The following TPRG1 variants were observed in gnomAD, a reference collection of about 807,000 sequenced individuals.
The protein encoded by TPRG1 is tumor protein p63 regulated 1.
TPRG1 carries 29 observed loss-of-function variants against 29.3 expected under a neutral mutation model. The observed-to-expected ratio is 0.99, with a 90% CI of 0.74 to 1.35. The LOEUF (loss-of-function observed/expected upper bound fraction) is 1.35. TPRG1 is among the 40% of genes most tolerant of loss of function. TPRG1 has a pLI of 0.00. For synonymous variants in TPRG1, 130 were observed against 116.8 expected (o/e 1.11, Z -0.73); for missense variants, 327 against 335.0 (o/e 0.98, Z 0.19).
chr3:189,103,398 C>T (rs549029464), intron 1 of TPRG1, among the ~76,000 whole-genome samples: 182 of 152,128 alleles, frequency 1.2e-3, no homozygotes, highest in Non-Finnish European at 2.0e-3. Context: ...GATGCCAGAC[C>T]CTGAGGGAGA....
At chr3:189,190,266 T>C (rs1033695407) in intron 1 of TPRG1, among the ~76,000 whole-genome samples, 6 of 152,196 alleles carry the variant, frequency 3.9e-5, no homozygotes, top group African/African-American at 1.4e-4. Flanking sequence ...TGCCTTTATG[T>C]TCTGAAAAAA....
chr3:189,159,868 G>GTGTGTGTGTGTGTGTGTGT lies in TPRG1; in HGVS notation c.-10+8996_-10+8997insTGTGTGTGTGTGTGTGTGT, dbSNP rs141895328. 1.1e-3 allele frequency among the ~76,000 whole-genome samples: 156 copies of GTGTGTGTGTGTGTGTGTGT among 146,690 alleles called. 2 individuals carry two copies. Among genetic ancestry groups the GTGTGTGTGTGTGTGTGTGT allele is most frequent in the Admixed American group, 1.4e-3 (21 of 14,762 alleles). ...TGTGTGTGTGTGTGTGTGTGTGTGTGGTGGTGGGGGTAGGGGTTCACGAGC... is the reference window on the plus strand; with the variant it reads ...TGTGTGTGTGTGTGTGTGTGTGTGTGTGTGTGTGTGTGTGTGTGTGTGGTGGGGGTAGGGGTTCACGAGC... On this transcript the variant is annotated intron_variant, in intron 5 of 6. Coordinates refer to the TPRG1 transcript ENST00000412373.
rs80016547 is a variant in TPRG1, at chr3:189,271,203, C to T, written c.479+32294C>T. On this transcript the variant is annotated intron_variant, in intron 4 of 5. Transcript: ENST00000345063. Reference sequence around the variant, plus strand: ...GGCGTTTTCTACTGTAACACAGTGCCTTGAAGGGATGGGTTGCTTTAGACG... The same window carrying T: ...GGCGTTTTCTACTGTAACACAGTGCTTTGAAGGGATGGGTTGCTTTAGACG... 3.8e-3 allele frequency among the ~76,000 whole-genome samples: 576 copies of T among 152,234 alleles called. 3 individuals carry two copies. The highest frequency in any genetic ancestry group is 0.013 in the African/African-American group (552 of 41,540).
chr3:189,149,192 A>G (rs562595040), intron 4 of TPRG1, among the ~76,000 whole-genome samples: 1 of 152,306 alleles, frequency 6.6e-6, no homozygotes, highest in African/African-American at 2.4e-5. Flanking sequence ...CTAGCTTTAT[A>G]TTGCTAACGG....
intron 4 of TPRG1, chr3:189,267,683 T>C (rs1714357285): frequency 6.6e-6 from 1 of 152,078 alleles, no homozygotes; most frequent in South Asian, 2.1e-4. Context: ...ATAGAGACAG[T>C]AGTGGAAGAG....
In TPRG1 at chr3:189,018,719, T is replaced by C. The variant is rs916157758; in HGVS notation, c.-659-5031T>C. ...GGATTGACTTGGCATTGCAGGCTCT[T>C]TTTTGGTTCCATATGAACTTTAAAG... On this transcript the variant is annotated intron_variant, in intron 3 of 10. Transcript: ENST00000433971. Among the ~76,000 whole-genome samples, 36 of 151,834 alleles carry C rather than the reference T, an allele frequency of 2.4e-4. 2 individuals are homozygous for C. The highest frequency in any genetic ancestry group is 8.7e-4 in the African/African-American group (36 of 41,216).
intron 4 of TPRG1, among the ~76,000 whole-genome samples, chr3:189,092,424 ATTAT>A (rs1378552706): frequency 2.0e-5 from 3 of 147,222 alleles, no homozygotes; most frequent in African/African-American, 7.6e-5. Context: ...TGAAGAATAC[ATTAT>A]TTATCTGAAA....
At chr3:189,219,761 T>C in intron 3 of TPRG1, 1 of 1,116,802 alleles carries the variant, frequency 9.0e-7, no homozygotes, top group Non-Finnish European at 1.1e-6. Flanking sequence ...GGTGGGCGAT[T>C]GTTGTTCTTA....
intron 4 of TPRG1, among the ~76,000 whole-genome samples, chr3:189,043,978 T>A (rs954055664): frequency 2.0e-5 from 3 of 152,152 alleles, no homozygotes; most frequent in African/African-American, 7.2e-5. Context: ...TTTTTTTCAT[T>A]TCTTATTTTT....
At chr3:189,155,220 T>C (rs1239198905) in intron 5 of TPRG1, among the ~76,000 whole-genome samples, 1 of 152,190 alleles carries the variant, frequency 6.6e-6, no homozygotes, top group Non-Finnish European at 1.5e-5. Context: ...TTGACATTAT[T>C]GGAATTACAT....
At chr3:189,146,399 C>A (rs1040291574) in intron 3 of TPRG1, among the ~76,000 whole-genome samples, 3 of 152,146 alleles carry the variant, frequency 2.0e-5, no homozygotes, top group African/African-American at 7.2e-5. Context: ...GGCAGATATT[C>A]CATTTAAAGA....
At chr3:189,171,579 C>T (rs1488359578), upstream of TPRG1, among the ~76,000 whole-genome samples, 1 of 152,234 alleles carries the variant, frequency 6.6e-6, no homozygotes, top group Non-Finnish European at 1.5e-5. Flanking sequence ...AGATACACTG[C>T]TCTACATGTC....
chr3:189,263,345 GAGA>G (rs1177926845), intron 4 of TPRG1, among the ~76,000 whole-genome samples: 1 of 152,214 alleles, frequency 6.6e-6, no homozygotes, highest in Non-Finnish European at 1.5e-5. Context: ...TTCAGGGAGA[GAGA>G]AGAACAGAGA....
At chr3:189,086,928 C>G (rs547862121) in intron 4 of TPRG1, among the ~76,000 whole-genome samples, 1 of 152,238 alleles carries the variant, frequency 6.6e-6, no homozygotes, top group South Asian at 2.1e-4. Context: ...TGGGTTGGTT[C>G]CAAGTCTTTG....
chr3:189,195,183 G>T (rs1732332091), intron 1 of TPRG1, among the ~76,000 whole-genome samples: 1 of 152,166 alleles, frequency 6.6e-6, no homozygotes, highest in African/African-American at 2.4e-5. Context: ...CTGGGATGCA[G>T]GTTGCTGCTT....
chr3:189,297,189 C>T (rs141722585), intron 4 of TPRG1, among the ~76,000 whole-genome samples: 379 of 152,132 alleles, frequency 2.5e-3, no homozygotes, highest in South Asian at 0.011. Flanking sequence ...CTATGTTGGC[C>T]AAGCTGGTCT....
At chr3:189,000,879 G>T (rs1301773273) in exon 2 of TPRG1, 4 of 152,026 alleles carry the variant, frequency 2.6e-5, no homozygotes, top group Non-Finnish European at 1.5e-5. Flanking sequence ...CTCCTGAGTA[G>T]CTGGGACTAT....
At chr3:189,106,906 C>T (rs188658598) in intron 1 of TPRG1, among the ~76,000 whole-genome samples, 119 of 152,128 alleles carry the variant, frequency 7.8e-4, no homozygotes, top group African/African-American at 2.6e-3. Context: ...AGAGCCGAGA[C>T]TACATGTTTA....
chr3:189,138,986 C>T (rs1266758905), intron 3 of TPRG1, among the ~76,000 whole-genome samples: 1 of 152,098 alleles, frequency 6.6e-6, no homozygotes, highest in East Asian at 1.9e-4. Context: ...AAAATCTGCT[C>T]CAGCCATGAG....
Sources: allele counts gnomAD v4.1 joint callset (sites outside exome capture counted in the v4.1 genomes callset), GRCh38; gene constraint gnomAD v4.1.1; transcripts MANE v1.5; gene names NCBI Gene and HGNC (gene_info 2026-07-23, HGNC 2026-07-21).